The following PHACTR1 variants were observed in gnomAD, a reference collection of about 807,000 sequenced individuals.
The protein encoded by PHACTR1 is RPEL repeat containing 1.
In PHACTR1, 16 loss-of-function variants were observed where a neutral mutation model predicts 69.2. That is an observed-to-expected ratio of 0.23 (90% CI 0.16 to 0.35). PHACTR1 has a LOEUF of 0.35. PHACTR1 is among the 10% of genes least tolerant of loss of function. The pLI is 1.00. For synonymous variants in PHACTR1, 312 were observed against 284.5 expected, an observed-to-expected ratio of 1.10 and a Z score of -0.97; for missense variants, 510 against 734.7, an observed-to-expected ratio of 0.69 and a Z score of 3.54.
intron 4 of PHACTR1, among the ~76,000 whole-genome samples, chr6:12,982,300 C>G (rs117931490): frequency 6.6e-6 from 1 of 152,170 alleles, no homozygotes. Context: ...CAACTTTCTC[C>G]GGCTACTGCT....
At chr6:12,891,263 A>AC (rs1784144847) in intron 4 of PHACTR1, among the ~76,000 whole-genome samples, 1 of 151,008 alleles carries the variant, frequency 6.6e-6, no homozygotes. Context: ...TACTCCTACC[A>AC]TTTTTTTTTA....
At chr6:13,086,731 G>A (rs1308853349) in intron 5 of PHACTR1, among the ~76,000 whole-genome samples, 1 of 152,062 alleles carries the variant, frequency 6.6e-6, no homozygotes, top group African/African-American at 2.4e-5. Flanking sequence ...AGACTTTTGG[G>A]TTGTTTCTAG....
intron 4 of PHACTR1, among the ~76,000 whole-genome samples, chr6:12,835,188 G>A (rs1367386613): frequency 6.6e-6 from 1 of 152,054 alleles, no homozygotes. Flanking sequence ...TGGAGTAAGA[G>A]GTGAGAAGTC....
In PHACTR1 at chr6:13,022,426, G is replaced by A. The variant is rs115490873; in HGVS notation, c.251-30939G>A. On this transcript the variant is annotated intron_variant, in intron 4 of 14. Transcript: ENST00000332995. ...CCTATGTTTGTAGGTTGAGAATGTT[G>A]TTTGCTATTTTAAATGGCTGGAGAA... Among the ~76,000 whole-genome samples, 1,189 of 152,256 alleles carry A rather than the reference G, an allele frequency of 7.8e-3. 16 individuals are homozygous for A. Among genetic ancestry groups the A allele is most frequent in the African/African-American group, 0.026 (1,094 of 41,554 alleles).
chr6:12,858,960 T>C (rs141587885), intron 4 of PHACTR1, among the ~76,000 whole-genome samples: 3 of 152,288 alleles, frequency 2.0e-5, no homozygotes, highest in African/African-American at 7.2e-5. Flanking sequence ...ATGATGTCAG[T>C]TTCATAAGGG....
At chr6:13,055,371 T>A (rs1806612406) in intron 5 of PHACTR1, among the ~76,000 whole-genome samples, 1 of 152,084 alleles carries the variant, frequency 6.6e-6, no homozygotes, top group Admixed American at 6.5e-5. Flanking sequence ...TGAGCAAAAC[T>A]CCAAATGTGT....
chr6:12,828,757 T>C (rs954310686), intron 4 of PHACTR1, among the ~76,000 whole-genome samples: 1 of 143,832 alleles, frequency 7.0e-6, no homozygotes, highest in African/African-American at 2.7e-5. Context: ...TAATGCTTCG[T>C]TGTAAAAAAA....
chr6:13,052,131 C>T (rs1363787788), intron 4 of PHACTR1, among the ~76,000 whole-genome samples: 4 of 152,206 alleles, frequency 2.6e-5, no homozygotes, highest in African/African-American at 9.6e-5. Context: ...TTTGACTTTA[C>T]TTCTGACGTG....
At position 13,125,825 on chromosome 6, in the gene PHACTR1, G is replaced by A. The variant is rs59211068; in HGVS notation, c.416-34379G>A. 3.4e-3 allele frequency among the ~76,000 whole-genome samples: 513 copies of A among 152,186 alleles called. 6 individuals are homozygous for A. The highest frequency in any genetic ancestry group is 0.012 in the African/African-American group (502 of 41,522). On this transcript the variant is annotated intron_variant, in intron 5 of 14. Coordinates refer to ENST00000332995, the MANE Select transcript of PHACTR1 (RefSeq NM_030948.6). ...CACACCTATAGTCCCAGCTACTTGG[G>A]AGGCTGAGGTGGGAGGATTGCCTGA...
intron 4 of PHACTR1, among the ~76,000 whole-genome samples, chr6:12,798,070 C>CACACACACACACA (rs1773277304): frequency 1.5e-4 from 1 of 6,512 alleles, no homozygotes; most frequent in Admixed American, 1.3e-3. Context: ...ACACACACAC[C>CACACACACACACA]CCTACATAAG....
At chr6:13,014,228 CG>C (rs1289768416) in intron 4 of PHACTR1, among the ~76,000 whole-genome samples, 1 of 152,106 alleles carries the variant, frequency 6.6e-6, no homozygotes, top group Non-Finnish European at 1.5e-5. Context: ...GCACCGCCGG[CG>C]TCTGTCGCCT....
intron 4 of PHACTR1, among the ~76,000 whole-genome samples, chr6:12,878,089 C>T (rs1463315304): frequency 6.6e-6 from 1 of 152,180 alleles, no homozygotes; most frequent in East Asian, 1.9e-4. Flanking sequence ...CATGCTTTTT[C>T]CACCTCAGAT....
At chr6:12,779,026 A>G (rs950065868) in intron 4 of PHACTR1, among the ~76,000 whole-genome samples, 1 of 152,124 alleles carries the variant, frequency 6.6e-6, no homozygotes, top group African/African-American at 2.4e-5. Flanking sequence ...TACATGGAAG[A>G]CACTTTATAT....
At chr6:13,172,006 A>T (rs1760697546) in intron 6 of PHACTR1, among the ~76,000 whole-genome samples, 1 of 152,032 alleles carries the variant, frequency 6.6e-6, no homozygotes. Context: ...ACCTCAGGTG[A>T]TCCGCTCACC....
intron 5 of PHACTR1, among the ~76,000 whole-genome samples, chr6:13,140,529 A>G (rs1312826737): frequency 2.6e-5 from 4 of 152,252 alleles, no homozygotes; most frequent in African/African-American, 9.6e-5. Flanking sequence ...GAAATAAGCC[A>G]GTCACAAAAA....
At chr6:13,061,372 TAGGAA>T (rs1447085487) in intron 5 of PHACTR1, among the ~76,000 whole-genome samples, 2 of 152,038 alleles carry the variant, frequency 1.3e-5, no homozygotes, top group Non-Finnish European at 2.9e-5. Flanking sequence ...GAATTTTAGA[TAGGAA>T]AGGAAAGGTC....
intron 4 of PHACTR1, among the ~76,000 whole-genome samples, chr6:13,005,724 T>C (rs1309932316): frequency 6.6e-6 from 1 of 152,100 alleles, no homozygotes; most frequent in Admixed American, 6.5e-5. Context: ...TAGAGCATAT[T>C]CCATTGTTTT....
intron 4 of PHACTR1, among the ~76,000 whole-genome samples, chr6:12,923,427 A>G (rs1240945923): frequency 6.6e-6 from 1 of 152,256 alleles, no homozygotes; most frequent in African/African-American, 2.4e-5. Flanking sequence ...CACTAAAAAT[A>G]ATTTTGCAAC....
At chr6:12,960,397 G>T (rs59778206) in intron 4 of PHACTR1, among the ~76,000 whole-genome samples, 4,462 of 152,274 alleles carry the variant, frequency 0.029, 161 homozygotes, top group African/African-American at 0.087. Flanking sequence ...TCACATTTGT[G>T]CTCCTACAAA....
Sources: gnomAD v4.1 joint callset for allele counts (sites outside exome capture counted in the v4.1 genomes callset) on GRCh38, gnomAD v4.1.1 for gene constraint, MANE v1.5 for transcripts, NCBI Gene and HGNC (gene_info 2026-07-23, HGNC 2026-07-21) for gene names.